SH3BGRL2: variants seen among roughly 807,000 people sequenced by gnomAD.
SH3BGRL2 encodes the protein SH3 domain binding glutamate rich protein like 2.
Under a neutral mutation model 14.8 loss-of-function variants are expected in SH3BGRL2, and 21 were observed. The ratio of observed to expected loss-of-function variants is 1.42; its 90% CI spans 1.01 to 2.05. SH3BGRL2 has a LOEUF of 2.05. Among genes scored for constraint, SH3BGRL2 ranks in the 30% most tolerant of loss-of-function variants. The pLI is 0.00. For synonymous variants in SH3BGRL2, 50 were observed against 47.8 expected (o/e 1.05, Z -0.19); for missense variants, 147 against 130.8 (o/e 1.12, Z -0.61).
chr6:79,642,357 A>G (rs1265287350), intron 1 of SH3BGRL2, among the ~76,000 whole-genome samples: 3 of 152,194 alleles, frequency 2.0e-5, no homozygotes, highest in South Asian at 4.1e-4. Context: ...GACTTGATAT[A>G]AGGGACTTGA....
the SH3BGRL2 span, chr6:79,575,100 A>G: frequency 6.6e-6 from 1 of 152,160 alleles, no homozygotes; most frequent in Non-Finnish European, 1.5e-5. Flanking sequence ...AAGAAGACCT[A>G]CCTCTCAATG....
At chr6:79,671,328 G>A (rs1458630813) in intron 1 of SH3BGRL2, among the ~76,000 whole-genome samples, 1 of 152,080 alleles carries the variant, frequency 6.6e-6, no homozygotes, top group African/African-American at 2.4e-5. Context: ...TTAGCCAGGC[G>A]TGATGGCACA....
In SH3BGRL2 at chr6:79,703,023, TC is replaced by T. The variant is rs1418671062; in HGVS notation, c.*3515del. 2 of 152,228 alleles carry T rather than the reference TC, an allele frequency of 1.3e-5. No individual in the cohort carries two copies. Among genetic ancestry groups the T allele is most frequent in the Non-Finnish European group, 2.9e-5 (2 of 68,060 alleles). 9.4% of individuals were successfully genotyped at this position (152,228 alleles called of 1,614,324 possible). ...AACAGAAGGAGGGTGGAGGAAGTGATCAGAGGGAACGAGCTGTAGGTTTGCA... is the reference window on the plus strand; with the variant it reads ...AACAGAAGGAGGGTGGAGGAAGTGATAGAGGGAACGAGCTGTAGGTTTGCA... On this transcript the variant is annotated 3_prime_UTR_variant, in exon 4 of 4. Transcript: ENST00000369838.
chr6:79,579,226 C>G, the SH3BGRL2 span, among the ~76,000 whole-genome samples: 8 of 152,180 alleles, frequency 5.3e-5, no homozygotes, highest in Non-Finnish European at 8.8e-5. Context: ...AAACACACTG[C>G]AGGATATTAT....
the SH3BGRL2 span, among the ~76,000 whole-genome samples, chr6:79,557,991 T>C: frequency 1.1e-4 from 17 of 152,240 alleles, no homozygotes; most frequent in Non-Finnish European, 1.8e-4. Flanking sequence ...TTGTTTTTCT[T>C]GGAACTATCA....
At chr6:79,566,693 G>T in the SH3BGRL2 span, among the ~76,000 whole-genome samples, 1 of 151,926 alleles carries the variant, frequency 6.6e-6, no homozygotes, top group South Asian at 2.1e-4. Context: ...GGGACCAGTG[G>T]TGGCACTTTG....
chr6:79,625,184 A>G, the SH3BGRL2 span, among the ~76,000 whole-genome samples: 69 of 146,662 alleles, frequency 4.7e-4, no homozygotes, highest in Admixed American at 1.0e-3. Flanking sequence ...ATTAAAAAAA[A>G]TATATATATA....
chr6:79,560,967 G>GC, the SH3BGRL2 span, among the ~76,000 whole-genome samples: 2 of 116,668 alleles, frequency 1.7e-5, no homozygotes, highest in Non-Finnish European at 3.3e-5. Flanking sequence ...CACAACCTCC[G>GC]CCCCCTGAAT....
upstream of SH3BGRL2, among the ~76,000 whole-genome samples, chr6:79,626,806 T>G (rs1389460670): frequency 6.6e-6 from 1 of 152,236 alleles, no homozygotes; most frequent in African/African-American, 2.4e-5. Flanking sequence ...CACTTGGATC[T>G]TCCTCACCTC....
At chr6:79,649,422 A>G (rs1451886119) in intron 1 of SH3BGRL2, among the ~76,000 whole-genome samples, 1 of 152,210 alleles carries the variant, frequency 6.6e-6, no homozygotes, top group Non-Finnish European at 1.5e-5. Context: ...AATAAAATAT[A>G]ATAATAAATT....
the SH3BGRL2 span, among the ~76,000 whole-genome samples, chr6:79,547,882 T>G: frequency 6.6e-6 from 1 of 152,204 alleles, no homozygotes; most frequent in Non-Finnish European, 1.5e-5. Context: ...TTACTATTTT[T>G]TGAGACAGAG....
At position 79,637,226 on chromosome 6, in the gene SH3BGRL2, A is replaced by G. The variant is rs915850298; in HGVS notation, c.45+5720A>G. Among the ~76,000 whole-genome samples, 3 of 152,148 alleles carry G rather than the reference A, an allele frequency of 2.0e-5. No individual in the cohort carries two copies. In the South Asian group the frequency reaches 6.2e-4, roughly 32 times the overall value. On this transcript the variant is annotated intron_variant, in intron 1 of 3. Transcript: ENST00000369838. ...TACATTTTAGTATTTCCCAGATTTG[A>G]TGTGCTTTTAATCCATTCTTCAGTA... is the stretch of plus-strand genomic sequence containing the variant.
At chr6:79,671,153 C>G (rs562964205) in intron 1 of SH3BGRL2, among the ~76,000 whole-genome samples, 3 of 152,068 alleles carry the variant, frequency 2.0e-5, no homozygotes, top group Non-Finnish European at 2.9e-5. Flanking sequence ...GTTGAAGGTA[C>G]CTTCCACCCA....
chr6:79,689,793 A>G (rs1474448157), intron 2 of SH3BGRL2, among the ~76,000 whole-genome samples: 1 of 152,212 alleles, frequency 6.6e-6, no homozygotes, highest in East Asian at 1.9e-4. Flanking sequence ...AAATATAAAC[A>G]TTAAGTCTCA....
At chr6:79,657,727 C>G (rs901297473) in intron 1 of SH3BGRL2, among the ~76,000 whole-genome samples, 6 of 151,996 alleles carry the variant, frequency 3.9e-5, no homozygotes, top group Non-Finnish European at 8.8e-5. Flanking sequence ...AGCGATTCTC[C>G]TGCCTCAGCC....
chr6:79,635,338 C>T (rs755007634), intron 1 of SH3BGRL2, among the ~76,000 whole-genome samples: 13 of 152,174 alleles, frequency 8.5e-5, no homozygotes, highest in Admixed American at 2.6e-4. Context: ...GTGGCTTTTC[C>T]GGAAGCCATT....
chr6:79,605,067 C>T, the SH3BGRL2 span, among the ~76,000 whole-genome samples: 1 of 152,198 alleles, frequency 6.6e-6, no homozygotes, highest in African/African-American at 2.4e-5. Context: ...GGCTTTGTTA[C>T]TTGCTTTGAC....
the SH3BGRL2 span, among the ~76,000 whole-genome samples, chr6:79,587,815 G>A: frequency 6.6e-6 from 1 of 152,186 alleles, no homozygotes; most frequent in East Asian, 1.9e-4. Flanking sequence ...GAAGCAGATA[G>A]GTCTGAGAGC....
chr6:79,590,335 TTA>T, the SH3BGRL2 span, among the ~76,000 whole-genome samples: 18 of 149,420 alleles, frequency 1.2e-4, no homozygotes, highest in Admixed American at 1.2e-3. Flanking sequence ...ACATATGCAC[TTA>T]TATGTTCATT....
Sources: allele counts gnomAD v4.1 joint callset (sites outside exome capture counted in the v4.1 genomes callset), GRCh38; gene constraint gnomAD v4.1.1; transcripts MANE v1.5; gene names NCBI Gene and HGNC (gene_info 2026-07-23, HGNC 2026-07-21).